RALA: variants seen among roughly 807,000 people sequenced by gnomAD.
RALA encodes the protein RAS like proto-oncogene A.
Under a neutral mutation model 24.0 loss-of-function variants are expected in RALA, and 5 were observed. The observed-to-expected ratio is 0.21, with a 90% CI of 0.11 to 0.44. RALA has a LOEUF of 0.44. Ranked by LOEUF, RALA falls within the 20% of genes least tolerant of loss-of-function variation. RALA has a pLI of 0.99. For synonymous variants in RALA, 77 were observed against 83.8 expected (o/e 0.92, Z 0.44); for missense variants, 95 against 241.2 (o/e 0.39, Z 4.01).
chr7:39,651,305 C>T (rs1792015693), intron 1 of RALA, among the ~76,000 whole-genome samples: 1 of 152,196 alleles, frequency 6.6e-6, no homozygotes, highest in African/African-American at 2.4e-5. Flanking sequence ...TGGGATGTAA[C>T]TCTATTGTAT....
At chr7:39,678,215 A>C (rs1792523504) in intron 1 of RALA, among the ~76,000 whole-genome samples, 1 of 151,504 alleles carries the variant, frequency 6.6e-6, no homozygotes, top group African/African-American at 2.4e-5. Flanking sequence ...AAAAAGATTC[A>C]TTTTGGGCTT....
At chr7:39,634,209 C>T (rs1317289052) in intron 1 of RALA, among the ~76,000 whole-genome samples, 1 of 152,126 alleles carries the variant, frequency 6.6e-6, no homozygotes, top group African/African-American at 2.4e-5. Context: ...CTCTTCTTGT[C>T]CCTAGGTTGA....
At chr7:39,654,194 A>G (rs1423232489) in intron 1 of RALA, among the ~76,000 whole-genome samples, 1 of 152,242 alleles carries the variant, frequency 6.6e-6, no homozygotes, top group Non-Finnish European at 1.5e-5. Flanking sequence ...GTATGAATCA[A>G]GAACATAATT....
rs1030481144 is a variant in RALA, at chr7:39,671,679, A to G, written c.-37-14952A>G. Among the ~76,000 whole-genome samples the G allele has an allele frequency of 1.4e-4, 22 of 152,194 alleles. 1 individual carries two copies. The highest frequency in any genetic ancestry group is 5.3e-4 in the African/African-American group (22 of 41,444). ...ACATGTCTGGCAAGTCTTATAAATA[A>G]ATTTTATTTTGCAGACAAGGCAAAA... is the stretch of plus-strand genomic sequence containing the variant. On this transcript the variant is annotated intron_variant, in intron 1 of 4. Coordinates refer to ENST00000005257, the MANE Select transcript of RALA (RefSeq NM_005402.4).
intron 4 of RALA, among the ~76,000 whole-genome samples, chr7:39,705,793 TATA>T (rs555380476): frequency 2.0e-3 from 311 of 152,034 alleles, no homozygotes; most frequent in Middle Eastern, 0.01. Flanking sequence ...ACTACTTAAA[TATA>T]ATCCATTGAG....
At chr7:39,652,288 A>G (rs1166009565) in intron 1 of RALA, among the ~76,000 whole-genome samples, 1 of 152,186 alleles carries the variant, frequency 6.6e-6, no homozygotes, top group African/African-American at 2.4e-5. Context: ...TACTGTGGCA[A>G]TGGCAGTTAA....
intron 1 of RALA, among the ~76,000 whole-genome samples, chr7:39,672,435 G>A (rs1387086543): frequency 6.6e-6 from 1 of 152,144 alleles, no homozygotes. Context: ...CTCATACATT[G>A]TTAGTGGAAA....
intron 3 of RALA, 70 bp downstream of exon 3, chr7:39,690,660 C>A: frequency 8.1e-7 from 1 of 1,229,774 alleles, no homozygotes; most frequent in Non-Finnish European, 1.1e-6. Flanking sequence ...AACAAGTAGA[C>A]AACTAGAGGT....
intron 3 of RALA, among the ~76,000 whole-genome samples, chr7:39,692,358 C>T (rs1464049767): frequency 2.0e-5 from 3 of 152,136 alleles, no homozygotes; most frequent in African/African-American, 7.2e-5. Context: ...TAGTTCATAG[C>T]ATATAATCTA....
At chr7:39,704,825 G>C (rs929770737) in intron 4 of RALA, among the ~76,000 whole-genome samples, 1 of 151,674 alleles carries the variant, frequency 6.6e-6, no homozygotes, top group Admixed American at 6.6e-5. Context: ...ACAAGTGCCC[G>C]CCACCACACC....
chr7:39,695,910 A>T (rs1792911371), intron 3 of RALA, among the ~76,000 whole-genome samples: 1 of 152,160 alleles, frequency 6.6e-6, no homozygotes. Flanking sequence ...CTTCCAGTAG[A>T]TTAATAATGA....
intron 1 of RALA, among the ~76,000 whole-genome samples, chr7:39,627,574 C>T (rs1015166993): frequency 6.6e-6 from 1 of 152,080 alleles, no homozygotes; most frequent in Admixed American, 6.6e-5. Context: ...GCGTATACTC[C>T]CAGATTTATT....
At chr7:39,694,080 A>G (rs1414652049) in intron 3 of RALA, among the ~76,000 whole-genome samples, 2 of 152,230 alleles carry the variant, frequency 1.3e-5, no homozygotes, top group Admixed American at 6.5e-5. Context: ...AAGCATTCAC[A>G]TATATAAATT....
rs575064407 is a variant in RALA, at chr7:39,686,933, A to G, written c.114+152A>G. 9.1e-5 allele frequency: 46 copies of G among 505,106 alleles called. No individual in the cohort carries two copies. In the East Asian group the frequency reaches 1.4e-3, roughly 16 times the overall value. The allele number at this position is 505,106 out of a possible 1,614,324, so 31.3% of individuals were successfully genotyped here. A position where few individuals can be genotyped will look rare whatever the true frequency, so the allele number is the denominator to read the frequency against. ...TTGTGTTTAGAGCCATCTGTACATA[A>G]CTTGATTTTACAAATCAGGAACTTA... On this transcript the variant is annotated intron_variant, in intron 2 of 4. Coordinates refer to ENST00000005257, the MANE Select transcript of RALA (RefSeq NM_005402.4).
At chr7:39,665,245 A>G (rs997850476) in intron 1 of RALA, among the ~76,000 whole-genome samples, 2 of 152,060 alleles carry the variant, frequency 1.3e-5, no homozygotes, top group Admixed American at 1.3e-4. Flanking sequence ...CATGAAAATG[A>G]TGAGAATGAA....
chr7:39,673,146 C>T (rs1252478863), intron 1 of RALA, among the ~76,000 whole-genome samples: 3 of 152,018 alleles, frequency 2.0e-5, no homozygotes, highest in Non-Finnish European at 4.4e-5. Flanking sequence ...CGAGATCGTG[C>T]CCCTGCTCTC....
intron 3 of RALA, among the ~76,000 whole-genome samples, chr7:39,692,052 A>T (rs139929966): frequency 6.6e-6 from 1 of 152,238 alleles, no homozygotes; most frequent in East Asian, 1.9e-4. Flanking sequence ...TGCCTCTGCC[A>T]TAAATAAAAA....
chr7:39,656,085 A>T (rs532371264), intron 1 of RALA, among the ~76,000 whole-genome samples: 1 of 152,212 alleles, frequency 6.6e-6, no homozygotes, highest in Admixed American at 6.5e-5. Context: ...TAGTGAGTAT[A>T]TAGTTTTTTT....
intron 1 of RALA, among the ~76,000 whole-genome samples, chr7:39,648,224 T>C (rs981359999): frequency 2.6e-5 from 4 of 152,162 alleles, no homozygotes; most frequent in African/African-American, 9.7e-5. Context: ...CTTCAGAGGT[T>C]TGTAGTGGCA....
Sources: gnomAD v4.1 joint callset for allele counts (sites outside exome capture counted in the v4.1 genomes callset) on GRCh38, gnomAD v4.1.1 for gene constraint, MANE v1.5 for transcripts, NCBI Gene and HGNC (gene_info 2026-07-23, HGNC 2026-07-21) for gene names.